Variants in SKIC8 observed in about 807,000 individuals in gnomAD.
SKIC8 encodes the protein superkiller complex protein 8.
At chr15:78,293,817 A>G in the SKIC8 span, among the ~76,000 whole-genome samples, 1 of 152,188 alleles carries the variant, frequency 6.6e-6, no homozygotes. Flanking sequence ...AGTGGGTACT[A>G]TTAATATCCT....
the SKIC8 span, chr15:78,294,885 T>A: frequency 6.2e-7 from 1 of 1,608,772 alleles, no homozygotes; most frequent in African/African-American, 1.3e-5. Flanking sequence ...ACAAAAGTCT[T>A]AAACCAGGGA....
the SKIC8 span, chr15:78,295,092 G>T: frequency 8.3e-7 from 1 of 1,198,926 alleles, no homozygotes; most frequent in Non-Finnish European, 1.2e-6. Context: ...TACTTCCTCT[G>T]CTGTCAACCT....
the SKIC8 span, chr15:78,286,554 C>T: frequency 6.0e-6 from 1 of 166,328 alleles, no homozygotes; most frequent in African/African-American, 2.4e-5. Flanking sequence ...CCAGTGCTCC[C>T]AGTCCAAGGA....
At chr15:78,296,043 A>G in the SKIC8 span, 2 of 203,320 alleles carry the variant, frequency 9.8e-6, no homozygotes, top group Non-Finnish European at 2.0e-5. Flanking sequence ...TCCTTTTAAT[A>G]TTAAATATTA....
At chr15:78,289,964 A>G in the SKIC8 span, 1 of 1,613,700 alleles carries the variant, frequency 6.2e-7, no homozygotes, top group Non-Finnish European at 8.5e-7. Context: ...TGCAATACTA[A>G]GAATGAATTT....
the SKIC8 span, chr15:78,284,258 C>T: frequency 6.6e-6 from 1 of 152,042 alleles, no homozygotes; most frequent in Non-Finnish European, 1.5e-5. Context: ...CGCAATGATC[C>T]ATACATACAA....
At chr15:78,288,819 T>A in the SKIC8 span, 8 of 380,214 alleles carry the variant, frequency 2.1e-5, no homozygotes, top group African/African-American at 4.3e-5. Flanking sequence ...ACAGTACGCA[T>A]AATAAAGTCT....
chr15:78,288,142 G>T, the SKIC8 span: 2 of 711,048 alleles, frequency 2.8e-6, no homozygotes, highest in Non-Finnish European at 4.5e-6. Flanking sequence ...AATGGGCGCT[G>T]AACGGGGGAG....
At chr15:78,295,266 G>C in the SKIC8 span, 1 of 556,230 alleles carries the variant, frequency 1.8e-6, no homozygotes. Flanking sequence ...TGATCACCAA[G>C]GAAGCTCAAA....
At chr15:78,283,318 T>G in the SKIC8 span, 2 of 748,430 alleles carry the variant, frequency 2.7e-6, no homozygotes, top group Non-Finnish European at 4.2e-6. Context: ...CTACAAAATT[T>G]AAGTCTTTGC....
chr15:78,297,489 A>G, the SKIC8 span, among the ~76,000 whole-genome samples: 1 of 151,664 alleles, frequency 6.6e-6, no homozygotes, highest in African/African-American at 2.4e-5. Flanking sequence ...ATACAAAAAC[A>G]TATGTGCTTC....
the SKIC8 span, among the ~76,000 whole-genome samples, chr15:78,297,214 T>C: frequency 3.3e-4 from 51 of 152,320 alleles, no homozygotes; most frequent in East Asian, 9.8e-3. Flanking sequence ...GAGAAAAATG[T>C]AGCACCAAAG....
chr15:78,289,039 A>G, the SKIC8 span: 2 of 361,392 alleles, frequency 5.5e-6, no homozygotes, highest in Non-Finnish European at 1.1e-5. Flanking sequence ...GTGATAGATT[A>G]CGATATAATA....
chr15:78,295,631 G>A, the SKIC8 span: 3 of 1,610,760 alleles, frequency 1.9e-6, no homozygotes, highest in Non-Finnish European at 2.5e-6. Context: ...CTTGAACTTG[G>A]CAAAGAGACC....
the SKIC8 span, chr15:78,283,358 A>C: frequency 8.2e-7 from 1 of 1,213,886 alleles, no homozygotes; most frequent in Non-Finnish European, 1.2e-6. Context: ...CTTTTAAACA[A>C]GCCTAAGAAG....
chr15:78,285,507 A>G, the SKIC8 span: 1 of 617,156 alleles, frequency 1.6e-6, no homozygotes, highest in South Asian at 1.9e-5. Context: ...CTCACAGGGT[A>G]GCCATTTTCC....
chr15:78,285,402 T>G, the SKIC8 span: 1 of 1,451,536 alleles, frequency 6.9e-7, no homozygotes, highest in African/African-American at 1.4e-5. Flanking sequence ...CAAAAATCCT[T>G]TGATGACTTA....
the SKIC8 span, chr15:78,295,418 T>G: frequency 1.2e-4 from 51 of 426,552 alleles, no homozygotes; most frequent in South Asian, 1.2e-3. Context: ...TTTTTTTTTT[T>G]GTACAACATC....
At chr15:78,292,650 A>AT in the SKIC8 span, 2 of 1,614,198 alleles carry the variant, frequency 1.2e-6, no homozygotes, top group Non-Finnish European at 1.7e-6. Flanking sequence ...TCTGTTTGCC[A>AT]TTTTCCAAGT....
Sources: gnomAD v4.1 joint callset for allele counts (sites outside exome capture counted in the v4.1 genomes callset) on GRCh38, gnomAD v4.1.1 for gene constraint, MANE v1.5 for transcripts, NCBI Gene and HGNC (gene_info 2026-07-23, HGNC 2026-07-21) for gene names.